Variants in ANKRD36 observed in about 807,000 individuals in gnomAD.
ANKRD36 encodes the protein ankyrin repeat domain 36.
ANKRD36 carries 179 observed loss-of-function variants against 278.1 expected under a neutral mutation model. The ratio of observed to expected loss-of-function variants is 0.64; its 90% CI spans 0.57 to 0.73. The LOEUF (loss-of-function observed/expected upper bound fraction) is 0.73. Among genes scored for constraint, ANKRD36 ranks in the 30% least tolerant of loss-of-function variants. ANKRD36 has a pLI of 0.00. For synonymous variants in ANKRD36, 320 were observed against 641.1 expected, an observed-to-expected ratio of 0.50 and a Z score of 7.57; for missense variants, 1,159 against 1,956.7, an observed-to-expected ratio of 0.59 and a Z score of 7.69.
chr2:97,183,354 C>T, intron 26 of ANKRD36, 105 bp from the exon 27 acceptor site: 1 of 1,342,316 alleles, frequency 7.4e-7, no homozygotes, highest in Non-Finnish European at 1.0e-6. Flanking sequence ...AAATCCTACA[C>T]TAGTGCAGGC....
intron 38 of ANKRD36, among the ~76,000 whole-genome samples, chr2:97,194,007 A>T (rs1414675354): frequency 6.6e-6 from 1 of 151,680 alleles, no homozygotes; most frequent in African/African-American, 2.4e-5. Context: ...ACTTTGTAGA[A>T]GTATGTCAAA....
At chr2:97,197,177 A>G (rs1248307812) in intron 42 of ANKRD36, among the ~76,000 whole-genome samples, 1 of 151,906 alleles carries the variant, frequency 6.6e-6, no homozygotes, top group Admixed American at 6.6e-5. Context: ...TTGTTGTAAT[A>G]ACCCGTACAC....
intron 50 of ANKRD36, 49 bp downstream of exon 50, chr2:97,204,312 A>C: frequency 6.6e-7 from 1 of 1,518,640 alleles, no homozygotes; most frequent in Non-Finnish European, 8.9e-7. Flanking sequence ...GATAGATAAG[A>C]AGTTCTCTTC....
intron 6 of ANKRD36, among the ~76,000 whole-genome samples, chr2:97,132,823 G>A (rs1331682249): frequency 6.6e-6 from 1 of 152,088 alleles, no homozygotes; most frequent in African/African-American, 2.4e-5. Context: ...CTCCTGTGGA[G>A]TTACCAGGAT....
chr2:97,197,745 G>A (rs2060180927), intron 42 of ANKRD36, among the ~76,000 whole-genome samples: 1 of 151,898 alleles, frequency 6.6e-6, no homozygotes, highest in Non-Finnish European at 1.5e-5. Flanking sequence ...CTTTGTATAG[G>A]TATGTCAAAA....
chr2:97,142,956 C>G lies in ANKRD36; in HGVS notation c.901+121C>G. Reference sequence around the variant, plus strand: ...ATTCTGATTCAGCAGGCCTGAGATTCTGCTTTTGTGATAAGTTCTCGGGTG... The same window carrying G: ...ATTCTGATTCAGCAGGCCTGAGATTGTGCTTTTGTGATAAGTTCTCGGGTG... On this transcript the variant is annotated intron_variant, in intron 8 of 75. Coordinates refer to ENST00000420699, the MANE Select transcript of ANKRD36 (RefSeq NM_001354587.1). 3.1e-6 allele frequency: 4 copies of G among 1,294,234 alleles called. No individual in the cohort carries two copies. The East Asian group carries it at 7.6e-5, about 25-fold the overall frequency. 80.2% of individuals were successfully genotyped at this position (1,294,234 alleles called of 1,614,324 possible).
intron 52 of ANKRD36, among the ~76,000 whole-genome samples, chr2:97,207,000 C>T (rs2063036125): frequency 6.6e-6 from 1 of 151,504 alleles, no homozygotes; most frequent in African/African-American, 2.4e-5. Context: ...CTAATTAACT[C>T]CTAAAATGCT....
chr2:97,135,388 TTAA>T (rs1383806794), intron 6 of ANKRD36, among the ~76,000 whole-genome samples: 1 of 151,966 alleles, frequency 6.6e-6, no homozygotes, highest in Non-Finnish European at 1.5e-5. Context: ...CAATAAGAGA[TTAA>T]TAATATCTAA....
chr2:97,209,926 C>T (rs1184399227), intron 56 of ANKRD36, 54 bp downstream of exon 56: 4 of 1,533,916 alleles, frequency 2.6e-6, no homozygotes, highest in Non-Finnish European at 3.5e-6. Context: ...GTAAGAAATT[C>T]TCTTCCCTGA....
At chr2:97,231,148 G>A (rs1484437798) in intron 67 of ANKRD36, among the ~76,000 whole-genome samples, 2 of 152,094 alleles carry the variant, frequency 1.3e-5, no homozygotes, top group Non-Finnish European at 2.9e-5. Flanking sequence ...CTGCATGCTG[G>A]GAGAACCACT....
chr2:97,140,768 T>G (rs1000402277), intron 6 of ANKRD36, among the ~76,000 whole-genome samples: 1 of 151,970 alleles, frequency 6.6e-6, no homozygotes, highest in Admixed American at 6.6e-5. Flanking sequence ...GTGAGAATAA[T>G]GAAGAAATGA....
rs1558617081 is a variant in ANKRD36 at position 97,190,084 on chromosome 2, C to T, written c.2245+794C>T. ...TACCTCTTGGATAAAATAGCTATTT[C>T]ATGAAACTTCTATAGAGAACAACAT... On this transcript the variant is annotated intron_variant, in intron 34 of 75. Coordinates refer to ENST00000420699, the MANE Select transcript of ANKRD36 (RefSeq NM_001354587.1). Among the ~76,000 whole-genome samples, 2 of 88,350 alleles carry T rather than the reference C, an allele frequency of 2.3e-5. 1 individual carries two copies. Among genetic ancestry groups the T allele is most frequent in the Non-Finnish European group, 8.0e-5 (2 of 25,016 alleles). 58.0% of individuals were successfully genotyped at this position (88,350 alleles called of 152,430 possible).
chr2:97,158,387 C>G (rs1265622852), intron 16 of ANKRD36, among the ~76,000 whole-genome samples: 2 of 152,208 alleles, frequency 1.3e-5, no homozygotes, highest in Admixed American at 1.3e-4. Flanking sequence ...ACCACCACAC[C>G]TGGCTATTTT....
chr2:97,178,201 G>C (rs575399219), intron 22 of ANKRD36, among the ~76,000 whole-genome samples: 151 of 151,420 alleles, frequency 1.0e-3, no homozygotes, highest in African/African-American at 3.4e-3. Flanking sequence ...AGGATGTGGA[G>C]AAATAGGAAC....
chr2:97,193,572 G>C (rs1328410155), intron 38 of ANKRD36, among the ~76,000 whole-genome samples: 1 of 149,396 alleles, frequency 6.7e-6, no homozygotes, highest in African/African-American at 2.4e-5. Context: ...TTTCTGCTGA[G>C]GAAACCTGAG....
chr2:97,142,714 T>C, intron 7 of ANKRD36, 46 bp downstream of exon 7: 2 of 1,610,040 alleles, frequency 1.2e-6, no homozygotes, highest in Non-Finnish European at 1.7e-6. Context: ...CTATATAGTC[T>C]GTGAAATATA....
rs2037301122 is a variant in ANKRD36 at position 97,122,909 on chromosome 2, T to G, written c.509T>G (p.Phe170Cys). 1 of 1,543,382 alleles carries G rather than the reference T, an allele frequency of 6.5e-7. No homozygotes were observed. The highest frequency in any genetic ancestry group is 8.8e-7 in the Non-Finnish European group (1 of 1,142,486). The change falls in exon 4 of 76, where the codon TTT (phenylalanine) becomes TGT (cysteine). Residue 170 changes from phenylalanine (F) to cysteine (C), a missense_variant. Transcript: ENST00000420699. ...CAGTGTGAATATCAGCCACTGTTAT[T>G]TGCTGTGAGTCGAAGAAAAGTGAAA... is the stretch of plus-strand genomic sequence containing the variant. ...CSKCEYQPLL[F>C]AVSRRKVKMV...
chr2:97,171,930 A>G (rs1386837156), intron 22 of ANKRD36, among the ~76,000 whole-genome samples: 1 of 152,046 alleles, frequency 6.6e-6, no homozygotes, highest in Non-Finnish European at 1.5e-5. Flanking sequence ...ATCTAATTAA[A>G]CTAAGGAACT....
rs1393712400 is a variant in ANKRD36, at chr2:97,113,430, G to T, written c.-310G>T. 4.6e-6 allele frequency: 2 copies of T among 434,730 alleles called. No homozygotes were observed. Among genetic ancestry groups the T allele is most frequent in the African/African-American group, 4.1e-5 (2 of 48,242 alleles). The allele number at this position is 434,730 out of a possible 1,614,324, so 26.9% of individuals were successfully genotyped here. Reference sequence around the variant, plus strand: ...ACAGTTAAACAGGCCCTGGGGCAGGGCGCGCCTCGCGCTCCAGGGAGCCCC... The same window carrying T: ...ACAGTTAAACAGGCCCTGGGGCAGGTCGCGCCTCGCGCTCCAGGGAGCCCC... On this transcript the variant is annotated 5_prime_UTR_variant, in exon 1 of 76. Transcript: ENST00000420699.
Sources: gnomAD v4.1 joint callset for allele counts (sites outside exome capture counted in the v4.1 genomes callset) on GRCh38, gnomAD v4.1.1 for gene constraint, MANE v1.5 for transcripts, NCBI Gene and HGNC (gene_info 2026-07-23, HGNC 2026-07-21) for gene names.